ATP10B: variants seen among roughly 807,000 people sequenced by gnomAD.
ATP10B encodes phospholipid-transporting ATPase VB.
Under a neutral mutation model 141.2 loss-of-function variants are expected in ATP10B, and 122 were observed. The observed-to-expected ratio is 0.86, with a 90% CI of 0.75 to 1.00. The LOEUF (loss-of-function observed/expected upper bound fraction) is 1.00, where lower values mean the gene tolerates loss of function less well. Among genes scored for constraint, ATP10B ranks in the 50% least tolerant of loss-of-function variants. The pLI, the probability that ATP10B is intolerant of heterozygous loss-of-function variation, is 0.00. For missense variants in ATP10B, 1,876 were observed against 1,825.3 expected, an observed-to-expected ratio of 1.03 and a Z score of -0.51; for synonymous variants, 685 against 692.0, an observed-to-expected ratio of 0.99 and a Z score of 0.16.
intron 10 of ATP10B, among the ~76,000 whole-genome samples, chr5:160,637,129 T>TGTCCATCC (rs1554098826): frequency 6.8e-6 from 1 of 146,554 alleles, no homozygotes; most frequent in Non-Finnish European, 1.5e-5. Flanking sequence ...TCTATCCATC[T>TGTCCATCC]ATCCATCCAT....
chr5:160,813,171 G>A (rs891597064), intron 1 of ATP10B, among the ~76,000 whole-genome samples: 61 of 152,360 alleles, frequency 4.0e-4, no homozygotes, highest in African/African-American at 1.3e-3. Context: ...AGCATGAGCC[G>A]AAGCAGGGCG....
the ATP10B span, among the ~76,000 whole-genome samples, chr5:160,860,484 T>A: frequency 6.6e-6 from 1 of 151,822 alleles, no homozygotes; most frequent in Non-Finnish European, 1.5e-5. Flanking sequence ...TTTTTAGAAA[T>A]GAGTTTGAAG....
intron 7 of ATP10B, 125 bp downstream of exon 7, chr5:160,670,338 T>G: frequency 1.2e-6 from 1 of 828,172 alleles, no homozygotes; most frequent in Non-Finnish European, 2.0e-6. Context: ...GTATCTAAAG[T>G]GCTAGGGAAA....
chr5:160,776,511 G>A (rs1230983740), intron 2 of ATP10B, among the ~76,000 whole-genome samples: 1 of 152,160 alleles, frequency 6.6e-6, no homozygotes, highest in Admixed American at 6.5e-5. Context: ...GCTCTGTTTT[G>A]TAGCTGGTGT....
chr5:160,709,512 C>G (rs1765223434), intron 3 of ATP10B, among the ~76,000 whole-genome samples: 1 of 151,926 alleles, frequency 6.6e-6, no homozygotes, highest in Admixed American at 6.6e-5. Flanking sequence ...GTTATACCAT[C>G]ATCAGACTGG....
Position 160,620,327 on chromosome 5 carries a change from C to G in ATP10B, c.2416+20G>C, listed in dbSNP as rs748275045. On this transcript the variant is annotated intron_variant, in intron 15 of 25. Transcript: ENST00000327245. ...CTATAGAACTCTCTGTGCCTGGAAC[C>G]CTGGTAAGGCAGGACTCACCGCAGG... 12 of 1,585,290 alleles carry G rather than the reference C, an allele frequency of 7.6e-6. No individual in the cohort carries two copies. In the East Asian group the frequency reaches 2.5e-4, roughly 33 times the overall value.
chr5:160,644,271 G>A (rs1399276171), intron 8 of ATP10B, 27 bp from the exon 9 acceptor site: 12 of 1,551,122 alleles, frequency 7.7e-6, no homozygotes, highest in Admixed American at 1.7e-5. Context: ...AAAGACAGGG[G>A]GTGGTTTGGT....
intron 2 of ATP10B, among the ~76,000 whole-genome samples, chr5:160,770,209 T>A (rs1769784596): frequency 6.6e-6 from 1 of 152,142 alleles, no homozygotes; most frequent in African/African-American, 2.4e-5. Flanking sequence ...TCTCTCTCTC[T>A]CTGCCTTTCT....
At chr5:160,795,811 G>A (rs1258332620) in intron 1 of ATP10B, among the ~76,000 whole-genome samples, 2 of 152,030 alleles carry the variant, frequency 1.3e-5, no homozygotes, top group African/African-American at 4.8e-5. Flanking sequence ...AGCTAGAAGA[G>A]TCAAATAATG....
rs199678573 is a variant in ATP10B, at chr5:160,787,122, A to ACACACAC, written c.-575-1326_-575-1320dup. Among the ~76,000 whole-genome samples, 960 of 124,918 alleles carry ACACACAC rather than the reference A, an allele frequency of 7.7e-3. 7 individuals carry two copies. The highest frequency in any genetic ancestry group is 0.016 in the Middle Eastern group (4 of 244). The allele number at this position is 124,918 out of a possible 152,430, so 82.0% of individuals were successfully genotyped here. On this transcript the variant is annotated intron_variant, in intron 1 of 25. Coordinates refer to ENST00000327245, the MANE Select transcript of ATP10B (RefSeq NM_025153.3). The stretch of plus-strand genomic sequence containing the variant: ...TTGACACAGACACACACACACACAC[A>ACACACAC]CACACACACACACACACACACACAC...
chr5:160,795,767 G>T (rs1771905701), intron 1 of ATP10B, among the ~76,000 whole-genome samples: 1 of 151,906 alleles, frequency 6.6e-6, no homozygotes, highest in East Asian at 1.9e-4. Context: ...GATGTGATGT[G>T]GTCACAACTC....
chr5:160,767,560 T>TTC (rs1769544955), intron 2 of ATP10B, among the ~76,000 whole-genome samples: 1 of 150,930 alleles, frequency 6.6e-6, no homozygotes, highest in Non-Finnish European at 1.5e-5. Context: ...ATAGAATGTA[T>TTC]TATAAATATT....
chr5:160,584,322 A>G lies in ATP10B; in HGVS notation c.3750+5270T>C, dbSNP rs144630228. ...CCCCTTGTGCTTTCCGGGTGAGGCA[A>G]TGCCCCACCCTACTTTGGCTCGCTC... is the stretch of plus-strand genomic sequence containing the variant. On this transcript the variant is annotated intron_variant, in intron 24 of 25. Coordinates refer to ENST00000327245, the MANE Select transcript of ATP10B (RefSeq NM_025153.3). Among the ~76,000 whole-genome samples, 1,343 of 152,028 alleles carry G rather than the reference A, an allele frequency of 8.8e-3. 14 individuals are homozygous for G. Among genetic ancestry groups the G allele is most frequent in the Non-Finnish European group, 0.014 (977 of 67,956 alleles).
At chr5:160,821,477 A>G (rs188571611) in intron 1 of ATP10B, among the ~76,000 whole-genome samples, 176 of 152,256 alleles carry the variant, frequency 1.2e-3, no homozygotes, top group Non-Finnish European at 1.8e-3. Context: ...CCCTATCAAA[A>G]TAACAATGAT....
In ATP10B at chr5:160,604,946, G is replaced by A. The variant is rs115541135; in HGVS notation, c.3161-905C>T. ...TCTCCCCAGTGCTTTTTCTGTAAAG[G>A]GTCAGGTGGTAAATATTTTAGGCTT... On this transcript the variant is annotated intron_variant, in intron 19 of 25. Coordinates refer to ENST00000327245, the MANE Select transcript of ATP10B (RefSeq NM_025153.3). 8.4e-3 allele frequency among the ~76,000 whole-genome samples: 1,279 copies of A among 152,226 alleles called. 13 individuals are homozygous for A. Among genetic ancestry groups the A allele is most frequent in the African/African-American group, 0.029 (1,207 of 41,522 alleles).
chr5:160,661,025 A>G (rs950822452), intron 7 of ATP10B, among the ~76,000 whole-genome samples: 2 of 152,152 alleles, frequency 1.3e-5, no homozygotes, highest in Non-Finnish European at 2.9e-5. Flanking sequence ...CATCTCTACT[A>G]AAAATACAAA....
chr5:160,860,618 A>G, the ATP10B span, among the ~76,000 whole-genome samples: 1 of 151,984 alleles, frequency 6.6e-6, no homozygotes, highest in African/African-American at 2.4e-5. Flanking sequence ...AGACTCAGCT[A>G]AAAAACATCA....
intron 10 of ATP10B, among the ~76,000 whole-genome samples, chr5:160,638,112 A>T (rs1415941415): frequency 1.3e-5 from 2 of 152,170 alleles, no homozygotes; most frequent in African/African-American, 4.8e-5. Context: ...CAAAGTAAAC[A>T]TGTGGTCAAG....
chr5:160,642,768 A>G (rs1759969620), intron 9 of ATP10B, among the ~76,000 whole-genome samples: 1 of 152,230 alleles, frequency 6.6e-6, no homozygotes, highest in African/African-American at 2.4e-5. Flanking sequence ...TTCTAACATT[A>G]TAAAGCTACA....
Sources: gnomAD v4.1 joint callset for allele counts (sites outside exome capture counted in the v4.1 genomes callset) on GRCh38, gnomAD v4.1.1 for gene constraint, MANE v1.5 for transcripts, NCBI Gene and HGNC (gene_info 2026-07-23, HGNC 2026-07-21) for gene names.